PCDHB13: variants seen among roughly 807,000 people sequenced by gnomAD.
PCDHB13 encodes protocadherin beta 13, also known as protocadherin beta-13.
For synonymous variants in PCDHB13, 515 were observed against 450.7 expected (o/e 1.14, Z -1.81); for missense variants, 1,065 against 1,016.7 (o/e 1.05, Z -0.65).
In PCDHB13 at chr5:141,214,142, C is replaced by A; in HGVS notation, c.19C>A (p.Leu7Ile). The change falls in exon 1 of 1, where the codon CTC becomes ATC. Residue 7 changes from leucine to isoleucine, a missense_variant. Coordinates refer to ENST00000341948, the MANE Select transcript of PCDHB13 (RefSeq NM_018933.4). ...AAGAACAATGGAGGCCAGCGGGAAG[C>A]TCATTTGCAGACAAAGGCAAGTCCT... MEASGK[L>I]ICRQRQVLFS... 6 of 1,614,042 alleles carry A rather than the reference C, an allele frequency of 3.7e-6. No individual in the cohort carries two copies. Among genetic ancestry groups the A allele is most frequent in the African/African-American group, 1.3e-5 (1 of 74,996 alleles).
In PCDHB13 at chr5:141,215,673, G is replaced by C; in HGVS notation, c.1550G>C (p.Arg517Thr). 4.3e-6 allele frequency: 7 copies of C among 1,613,286 alleles called. No homozygotes were observed. The highest frequency in any genetic ancestry group is 4.2e-6 in the Non-Finnish European group (5 of 1,179,994). Residue 517 changes from arginine (R) to threonine (T), a missense_variant, in exon 1 of 1, where the codon AGG becomes ACG. Coordinates refer to ENST00000341948, the MANE Select transcript of PCDHB13 (RefSeq NM_018933.4). ...GACAACGGCCACCTGTTCGCCCTCA[G>C]GTCTCTGGACTACGAGGCCCTGCAG... is the stretch of plus-strand genomic sequence containing the variant. ...NADNGHLFAL[R>T]SLDYEALQGF...
chr5:141,215,564 G>T lies in PCDHB13; in HGVS notation c.1441G>T (p.Gly481Cys). ...CGTCAGCGCTACAGACAGAGACTCA[G>T]GCACCAACGCCCAGGTCACCTACTC... ...RSVSATDRDSGTNAQVTYSLL... is the reference protein window; with the variant it reads ...RSVSATDRDSCTNAQVTYSLL... Residue 481 changes from glycine (G) to cysteine (C), a missense_variant, in exon 1 of 1, where the codon GGC becomes TGC. By Grantham distance (159) the Gly-to-Cys change is radical (BLOSUM62 -3). Transcript: ENST00000341948. 6.2e-7 allele frequency: 1 copy of T among 1,613,620 alleles called. No individual in the cohort carries two copies. Among genetic ancestry groups the T allele is most frequent in the Non-Finnish European group, 8.5e-7 (1 of 1,179,986 alleles).
In PCDHB13 at chr5:141,218,573, G is replaced by C. The variant is rs1379077244; in HGVS notation, c.*2053G>C. ...CCTGACGCAGCATCCCAAGTAGCCG[G>C]GACCACAGGCACATGCCACCCCCCA... On this transcript the variant is annotated 3_prime_UTR_variant, in exon 1 of 1. Transcript: ENST00000341948. The C allele has an allele frequency of 6.6e-6, 1 of 152,380 alleles. No homozygotes were observed. The highest frequency in any genetic ancestry group is 6.6e-5 in the Admixed American group (1 of 15,228). The allele number at this position is 152,380 out of a possible 1,614,324, so 9.4% of individuals were successfully genotyped here. A position where few individuals can be genotyped will look rare whatever the true frequency, so the allele number is the denominator to read the frequency against.
At position 141,215,461 on chromosome 5, in the gene PCDHB13, C is replaced by T; in HGVS notation, c.1338C>T (p.Asp446=). Residue 446 remains aspartate, a synonymous_variant, in exon 1 of 1, where the codon GAC becomes GAT. Coordinates refer to ENST00000341948, the MANE Select transcript of PCDHB13 (RefSeq NM_018933.4). ...NMTVLIADVN[D]NAPAFTQTSY... Reference sequence around the variant, plus strand: ...CCGTGCTGATCGCCGATGTCAATGACAACGCTCCCGCCTTCACCCAAACCT... The same window carrying T: ...CCGTGCTGATCGCCGATGTCAATGATAACGCTCCCGCCTTCACCCAAACCT... The T allele has an allele frequency of 6.2e-7, 1 of 1,614,188 alleles. No individual in the cohort carries two copies. The highest frequency in any genetic ancestry group is 8.5e-7 in the Non-Finnish European group (1 of 1,180,032).
Position 141,216,679 on chromosome 5 carries a change from A to T in PCDHB13, c.*159A>T. 1 of 773,184 alleles carries T rather than the reference A, an allele frequency of 1.3e-6. No individual in the cohort carries two copies. The highest frequency in any genetic ancestry group is 2.3e-6 in the Non-Finnish European group (1 of 435,664). The allele number at this position is 773,184 out of a possible 1,614,324, so 47.9% of individuals were successfully genotyped here. On this transcript the variant is annotated 3_prime_UTR_variant, in exon 1 of 1. Transcript: ENST00000341948. ...TGTTTTAAAGTGAACATTTACCTTT[A>T]TTCCTGGTTCTTAAAAGGTGACAAT... is the stretch of plus-strand genomic sequence containing the variant.
chr5:141,217,178 T>TG lies in PCDHB13; in HGVS notation c.*659dup, dbSNP rs2149683013. On this transcript the variant is annotated 3_prime_UTR_variant, in exon 1 of 1. Transcript: ENST00000341948. ...TATGAAGCTATAATTTTTTAATTAA[T>TG]GTCACAAAGCTCTAGTGCAATCTAG... 6.0e-6 allele frequency: 1 copy of TG among 166,984 alleles called. No individual in the cohort carries two copies. Among genetic ancestry groups the TG allele is most frequent in the African/African-American group, 2.4e-5 (1 of 40,932 alleles). 10.3% of individuals were successfully genotyped at this position (166,984 alleles called of 1,614,324 possible).
At position 141,215,010 on chromosome 5, in the gene PCDHB13, A is replaced by G. The variant is rs1554287769; in HGVS notation, c.887A>G (p.Asn296Ser). The change falls in exon 1 of 1, where the codon AAT becomes AGT. Residue 296 changes from asparagine (N) to serine (S), a missense_variant. Transcript: ENST00000341948. Reference sequence around the variant, plus strand: ...GAGATTGGCAAAACCTTTAAGATCAATCCCTTGACAGGAGAAATTGAACTA... The same window carrying G: ...GAGATTGGCAAAACCTTTAAGATCAGTCCCTTGACAGGAGAAATTGAACTA... Reference protein sequence around the residue: ...SEEIGKTFKINPLTGEIELKK... With the variant: ...SEEIGKTFKISPLTGEIELKK... The G allele has an allele frequency of 1.9e-6, 3 of 1,614,158 alleles. No individual in the cohort carries two copies. The highest frequency in any genetic ancestry group is 3.3e-5 in the Admixed American group (2 of 60,024).
rs782305662 is a variant in PCDHB13 at position 141,215,239 on chromosome 5, A to G, written c.1116A>G (p.Ser372=). 1 of 1,614,174 alleles carries G rather than the reference A, an allele frequency of 6.2e-7. No individual in the cohort carries two copies. Among genetic ancestry groups the G allele is most frequent in the East Asian group, 2.2e-5 (1 of 44,874 alleles). ...PETVVALFSV[S]DLDSGENGKI... ...CTGTGGTTGCACTTTTCAGTGTTTCAGATCTTGATTCAGGAGAAAATGGGA... is the reference window on the plus strand; with the variant it reads ...CTGTGGTTGCACTTTTCAGTGTTTCGGATCTTGATTCAGGAGAAAATGGGA... The change falls in exon 1 of 1, where the codon TCA becomes TCG. Residue 372 remains serine (S), a synonymous_variant. Transcript: ENST00000341948.
Position 141,216,883 on chromosome 5 carries a change from G to C in PCDHB13, c.*363G>C. On this transcript the variant is annotated 3_prime_UTR_variant, in exon 1 of 1. Coordinates refer to ENST00000341948, the MANE Select transcript of PCDHB13 (RefSeq NM_018933.4). Reference sequence around the variant, plus strand: ...CCAATTTTCCAGCATTTCTTCATTTGATTCTCTTTTTTTAGTCTTAAAATA... The same window carrying C: ...CCAATTTTCCAGCATTTCTTCATTTCATTCTCTTTTTTTAGTCTTAAAATA... 3.2e-6 allele frequency: 1 copy of C among 309,454 alleles called. No individual in the cohort carries two copies. Among genetic ancestry groups the C allele is most frequent in the Non-Finnish European group, 6.3e-6 (1 of 159,904 alleles). The allele number at this position is 309,454 out of a possible 1,614,324, so 19.2% of individuals were successfully genotyped here.
Position 141,215,813 on chromosome 5 carries a change from C to A in PCDHB13, c.1690C>A (p.Pro564Thr). The stretch of plus-strand genomic sequence containing the variant: ...CGACAACTCGCCCTTCGTGCTGTAC[C>A]CGCTGCAGAACGGCTCCGCGCCCTG... Reference protein sequence around the residue: ...ANDNSPFVLYPLQNGSAPCTE... With the variant: ...ANDNSPFVLYTLQNGSAPCTE... Residue 564 changes from proline (P) to threonine (T), a missense_variant, in exon 1 of 1, where the codon CCG becomes ACG. Pro to Thr is a conservative substitution (Grantham distance 38). Coordinates refer to ENST00000341948, the MANE Select transcript of PCDHB13 (RefSeq NM_018933.4). 1.9e-6 allele frequency: 3 copies of A among 1,611,228 alleles called. No individual in the cohort carries two copies. Among genetic ancestry groups the A allele is most frequent in the Non-Finnish European group, 2.5e-6 (3 of 1,179,634 alleles).
rs1554288147 is a variant in PCDHB13 at position 141,216,227 on chromosome 5, C to G, written c.2104C>G (p.Leu702Val). 6.2e-7 allele frequency: 1 copy of G among 1,613,112 alleles called. No individual in the cohort carries two copies. Among genetic ancestry groups the G allele is most frequent in the Non-Finnish European group, 8.5e-7 (1 of 1,179,928 alleles). Residue 702 changes from leucine to valine, a missense_variant, in exon 1 of 1, where the codon CTC becomes GTC. Physicochemically the swap from Leu to Val is conservative, Grantham distance 32. Transcript: ENST00000341948. ...VALASVSSLFLFSVLLFVAVR... is the reference protein window; with the variant it reads ...VALASVSSLFVFSVLLFVAVR... ...GTTGGCCTCGGTGTCTTCGCTCTTC[C>G]TCTTTTCGGTGCTCCTGTTCGTGGC... is the stretch of plus-strand genomic sequence containing the variant.
chr5:141,214,229 G>C lies in PCDHB13; in HGVS notation c.106G>C (p.Val36Leu). 1 of 1,603,394 alleles carries C rather than the reference G, an allele frequency of 6.2e-7. No homozygotes were observed. The highest frequency in any genetic ancestry group is 1.7e-5 in the Admixed American group (1 of 59,594). The change falls in exon 1 of 1, where the codon GTG (valine) becomes CTG (leucine). Residue 36 changes from valine to leucine, a missense_variant. Val to Leu is a conservative substitution (Grantham distance 32). Coordinates refer to ENST00000341948, the MANE Select transcript of PCDHB13 (RefSeq NM_018933.4). ...AGAAEPRSYS[V>L]VEETEGSSFV... ...CGCGGCGGAACCTAGAAGCTATTCTGTGGTGGAGGAAACTGAGGGCAGCTC... is the reference window on the plus strand; with the variant it reads ...CGCGGCGGAACCTAGAAGCTATTCTCTGGTGGAGGAAACTGAGGGCAGCTC...
chr5:141,215,036 A>G lies in PCDHB13; in HGVS notation c.913A>G (p.Lys305Glu), dbSNP rs1554287776. 2 of 1,614,082 alleles carry G rather than the reference A, an allele frequency of 1.2e-6. No individual in the cohort carries two copies. The highest frequency in any genetic ancestry group is 1.7e-6 in the Non-Finnish European group (2 of 1,180,044). Residue 305 changes from lysine (K) to glutamate (E), a missense_variant, in exon 1 of 1, where the codon AAA (lysine) becomes GAA (glutamate). Coordinates refer to ENST00000341948, the MANE Select transcript of PCDHB13 (RefSeq NM_018933.4). ...INPLTGEIEL[K>E]KQLDFEKLQS... ...TCCCTTGACAGGAGAAATTGAACTA[A>G]AAAAACAACTCGATTTCGAAAAACT...
At position 141,216,568 on chromosome 5, in the gene PCDHB13, C is replaced by T. The variant is rs781931229; in HGVS notation, c.*48C>T. ...ATAGGTATTTTATTTTGTGGCATTT[C>T]CATGCCAATGTTTATTTCCCCCAAT... On this transcript the variant is annotated 3_prime_UTR_variant, in exon 1 of 1. Transcript: ENST00000341948. The T allele has an allele frequency of 2.8e-6, 4 of 1,424,544 alleles. No individual in the cohort carries two copies. Among genetic ancestry groups the T allele is most frequent in the South Asian group, 2.3e-5 (2 of 87,222 alleles). 88.2% of individuals were successfully genotyped at this position (1,424,544 alleles called of 1,614,324 possible).
At position 141,216,161 on chromosome 5, in the gene PCDHB13, C is replaced by G. The variant is rs531111463; in HGVS notation, c.2038C>G (p.Gln680Glu). ...YLPLPEAAPTQAQADLLTVYL... is the reference protein window; with the variant it reads ...YLPLPEAAPTEAQADLLTVYL... The stretch of plus-strand genomic sequence containing the variant: ...GCCTCTCCCGGAGGCGGCCCCGACC[C>G]AGGCCCAGGCCGACTTGCTCACCGT... The change falls in exon 1 of 1, where the codon CAG (glutamine) becomes GAG (glutamate). Residue 680 changes from glutamine to glutamate, a missense_variant. By Grantham distance (29) the Gln-to-Glu change is conservative. Transcript: ENST00000341948. The G allele has an allele frequency of 1.2e-6, 2 of 1,612,100 alleles. No individual in the cohort carries two copies. The highest frequency in any genetic ancestry group is 1.7e-6 in the Non-Finnish European group (2 of 1,179,826).
Position 141,215,253 on chromosome 5 carries a change from G to C in PCDHB13, c.1130G>C (p.Gly377Ala). The C allele has an allele frequency of 6.2e-7, 1 of 1,614,110 alleles. No homozygotes were observed. The highest frequency in any genetic ancestry group is 1.1e-5 in the South Asian group (1 of 91,076). ...TTCAGTGTTTCAGATCTTGATTCAG[G>C]AGAAAATGGGAAAATTAGTTGCTCC... ...ALFSVSDLDS[G>A]ENGKISCSIQ... Residue 377 changes from glycine to alanine, a missense_variant, in exon 1 of 1, where the codon GGA becomes GCA. Gly to Ala is a moderately conservative substitution (Grantham distance 60, BLOSUM62 0). Transcript: ENST00000341948.
chr5:141,214,960 C>G lies in PCDHB13; in HGVS notation c.837C>G (p.Ser279=). 1.2e-6 allele frequency: 2 copies of G among 1,614,126 alleles called. No homozygotes were observed. Among genetic ancestry groups the G allele is most frequent in the South Asian group, 2.2e-5 (2 of 91,080 alleles). ...DVDTGVNGEI[S]YSLFQASEEI... is the part of the protein sequence containing the mutation. ...ACACAGGAGTCAACGGAGAGATTTCCTATTCACTTTTCCAAGCTTCAGAAG... is the reference window on the plus strand; with the variant it reads ...ACACAGGAGTCAACGGAGAGATTTCGTATTCACTTTTCCAAGCTTCAGAAG... The change falls in exon 1 of 1, where the codon TCC becomes TCG. Residue 279 remains serine (S), a synonymous_variant. Coordinates refer to ENST00000341948, the MANE Select transcript of PCDHB13 (RefSeq NM_018933.4).
chr5:141,215,850 T>C lies in PCDHB13; in HGVS notation c.1727T>C (p.Val576Ala), dbSNP rs1554288040. Reference sequence around the variant, plus strand: ...GGCTCCGCGCCCTGCACCGAGCTGGTGCCCCGGGCGGCCGAGCCGGGCTAC... The same window carrying C: ...GGCTCCGCGCCCTGCACCGAGCTGGCGCCCCGGGCGGCCGAGCCGGGCTAC... ...QNGSAPCTEL[V>A]PRAAEPGYLV... is the part of the protein sequence containing the mutation. The change falls in exon 1 of 1, where the codon GTG (valine) becomes GCG (alanine). Residue 576 changes from valine to alanine, a missense_variant. Physicochemically the swap from Val to Ala is moderately conservative, Grantham distance 64. Coordinates refer to ENST00000341948, the MANE Select transcript of PCDHB13 (RefSeq NM_018933.4). The C allele has an allele frequency of 1.2e-6, 2 of 1,608,346 alleles. No individual in the cohort carries two copies. The highest frequency in any genetic ancestry group is 1.7e-6 in the Non-Finnish European group (2 of 1,178,828).
Position 141,217,316 on chromosome 5 carries a change from C to G in PCDHB13, c.*796C>G, listed in dbSNP as rs1281436035. The G allele has an allele frequency of 6.0e-6, 1 of 166,830 alleles. No individual in the cohort carries two copies. The highest frequency in any genetic ancestry group is 1.5e-5 in the Non-Finnish European group (1 of 68,078). 10.3% of individuals were successfully genotyped at this position (166,830 alleles called of 1,614,324 possible). A position where few individuals can be genotyped will look rare whatever the true frequency, so the allele number is the denominator to read the frequency against. On this transcript the variant is annotated 3_prime_UTR_variant, in exon 1 of 1. Coordinates refer to ENST00000341948, the MANE Select transcript of PCDHB13 (RefSeq NM_018933.4). Reference sequence around the variant, plus strand: ...ATCATATAATTTAATGTATATACACCAGAAACTATTTTTCAAACTTTTTTT... The same window carrying G: ...ATCATATAATTTAATGTATATACACGAGAAACTATTTTTCAAACTTTTTTT...
Sources: allele counts gnomAD v4.1 joint callset, GRCh38; gene constraint gnomAD v4.1.1; transcripts MANE v1.5; gene names NCBI Gene and HGNC (gene_info 2026-07-23, HGNC 2026-07-21).